The following ATG2A variants were observed in gnomAD, a reference collection of about 807,000 sequenced individuals.
ATG2A encodes the protein autophagy-related protein 2 homolog A.
A neutral mutation model predicts 214.2 loss-of-function variants in ATG2A; 103 were observed. The observed-to-expected ratio is 0.48, with a 90% CI of 0.41 to 0.57. ATG2A has a LOEUF of 0.57. ATG2A is among the 20% of genes least tolerant of loss of function. The pLI, the probability that ATG2A is intolerant of heterozygous loss-of-function variation, is 0.00. For synonymous variants in ATG2A, 1,160 were observed against 1,142.1 expected (o/e 1.02, Z -0.32); for missense variants, 2,312 against 2,613.2 (o/e 0.88, Z 2.51).
intron 1 of ATG2A, 170 bp downstream of exon 1, chr11:64,916,795 A>G (rs1945003058): frequency 7.3e-6 from 6 of 824,894 alleles, no homozygotes; most frequent in Non-Finnish European, 9.2e-6. Context: ...TGGCTCTGGT[A>G]AGGAACTGAA....
Position 64,909,692 on chromosome 11 carries a change from G to A in ATG2A, c.2096C>T (p.Ser699Phe), listed in dbSNP as rs1367650503. Residue 699 changes from serine to phenylalanine, a missense_variant, in exon 14 of 41, where the codon TCC becomes TTC. Coordinates refer to ENST00000377264, the MANE Select transcript of ATG2A (RefSeq NM_015104.3). Reference protein sequence around the residue: ...PVPTHLELTCSDLHGIYEDGG... With the variant: ...PVPTHLELTCFDLHGIYEDGG... ...TCGGGGGCTCTCACCATGTAGGTCG[G>A]AGCAGGTGAGTTCCAGGTGGGTGGG... 6.2e-6 allele frequency: 10 copies of A among 1,612,708 alleles called. No individual in the cohort carries two copies. The highest frequency in any genetic ancestry group is 8.5e-6 in the Non-Finnish European group (10 of 1,179,892).
intron 6 of ATG2A, 50 bp downstream of exon 6, chr11:64,912,988 G>T (rs760071657): frequency 2.3e-6 from 3 of 1,301,082 alleles, no homozygotes; most frequent in South Asian, 1.4e-5. Flanking sequence ...TGAGGAGGAG[G>T]AGTCTTGAGA....
intron 37 of ATG2A, 193 bp from the exon 38 acceptor site, chr11:64,897,062 C>G (rs1419436712): frequency 3.5e-6 from 3 of 848,718 alleles, no homozygotes; most frequent in Non-Finnish European, 5.3e-6. Context: ...GCTCCGTTGC[C>G]CAGGCTGGAG....
chr11:64,904,260 A>ATAAG (rs1007181445), intron 24 of ATG2A, among the ~76,000 whole-genome samples: 2 of 151,128 alleles, frequency 1.3e-5, no homozygotes, highest in African/African-American at 4.9e-5. Flanking sequence ...AGAAATAATA[A>ATAAG]TAAGGGCTGG....
rs370496305 is a variant in ATG2A, at chr11:64,895,366, G to A, written c.5504C>T (p.Ala1835Val). 30 of 1,612,918 alleles carry A rather than the reference G, an allele frequency of 1.9e-5. No individual in the cohort carries two copies. Among genetic ancestry groups the A allele is most frequent in the African/African-American group, 6.7e-5 (5 of 75,042 alleles). ...VSRSLQDKRS[A>V]RRLRRGQQPA... The stretch of plus-strand genomic sequence containing the variant: ...CTGCTGGCCCCTGCGCAGCCTCCGC[G>A]CAGAGCGCTTATCCTGCAGGGAGCG... The change falls in exon 40 of 41, where the codon GCG becomes GTG. Residue 1835 changes from alanine (A) to valine (V), a missense_variant. Coordinates refer to ENST00000377264, the MANE Select transcript of ATG2A (RefSeq NM_015104.3). This position sits in a 1 kb window ranked among gnomAD's most constrained non-coding sequence, Gnocchi z 5.0.
intron 12 of ATG2A, 31 bp from the exon 13 acceptor site, chr11:64,910,226 G>A (rs1265297711): frequency 1.3e-6 from 2 of 1,562,728 alleles, no homozygotes; most frequent in East Asian, 2.2e-5. Context: ...GTCAGTGAGG[G>A]CTGAGTGGTA....
intron 37 of ATG2A, 40 bp downstream of exon 37, chr11:64,897,372 T>C (rs1250980770): frequency 1.9e-6 from 3 of 1,548,738 alleles, no homozygotes; most frequent in Admixed American, 2.0e-5. Context: ...AGAAGGAAGA[T>C]CAGGGACCCT....
intron 37 of ATG2A, 171 bp downstream of exon 37, chr11:64,897,241 G>T: frequency 1.3e-6 from 1 of 756,054 alleles, no homozygotes. Context: ...GGCTGGTCTC[G>T]AATGCCTGAA....
Position 64,911,950 on chromosome 11 carries a change from T to A in ATG2A, c.1120A>T (p.Ser374Cys). 1.2e-6 allele frequency: 2 copies of A among 1,613,714 alleles called. No individual in the cohort carries two copies. The highest frequency in any genetic ancestry group is 1.3e-5 in the African/African-American group (1 of 75,030). The stretch of plus-strand genomic sequence containing the variant: ...AGCTCAGAGAGGGCTGAGGCCACAC[T>A]GCTTGTGAGGCCAGCCATGGAGAAG... ...LFFSMAGLTS[S>C]VASALSELSL... Residue 374 changes from serine to cysteine, a missense_variant, in exon 9 of 41, where the codon AGT becomes TGT. Coordinates refer to ENST00000377264, the MANE Select transcript of ATG2A (RefSeq NM_015104.3).
intron 16 of ATG2A, 39 bp downstream of exon 16, chr11:64,908,952 C>G (rs750999437): frequency 6.5e-7 from 1 of 1,540,982 alleles, no homozygotes; most frequent in Non-Finnish European, 8.7e-7. Flanking sequence ...GGGCGGTGGG[C>G]GGGAGGGGGT....
chr11:64,894,951 C>T lies in ATG2A; in HGVS notation c.*22G>A, dbSNP rs76422822. 6,083 of 1,609,168 alleles carry T rather than the reference C, an allele frequency of 3.8e-3. 193 individuals are homozygous for T. The African/African-American group carries it at 0.069, about 18-fold the overall frequency. ...TCAGGAGCATGGTGGGCAGCACCCTCTGGGTGCCGGGCACCCCAGGCTCAG... is the reference window on the plus strand; with the variant it reads ...TCAGGAGCATGGTGGGCAGCACCCTTTGGGTGCCGGGCACCCCAGGCTCAG... On this transcript the variant is annotated 3_prime_UTR_variant, in exon 41 of 41. Transcript: ENST00000377264.
At position 64,914,611 on chromosome 11, in the gene ATG2A, C is replaced by T. The variant is rs115349541; in HGVS notation, c.172-111G>A. The T allele has an allele frequency of 1.7e-3, 2,337 of 1,358,940 alleles. 34 individuals carry two copies. In the African/African-American group the frequency reaches 0.031, roughly 18 times the overall value. The allele number at this position is 1,358,940 out of a possible 1,614,324, so 84.2% of individuals were successfully genotyped here. ...GAGAGCACCCTTGGCTTGCCCTGTC[C>T]CTCCACGTGTTATCTACAAGGTCCC... is the stretch of plus-strand genomic sequence containing the variant. On this transcript the variant is annotated intron_variant, in intron 1 of 40. Coordinates refer to ENST00000377264, the MANE Select transcript of ATG2A (RefSeq NM_015104.3).
chr11:64,912,588 C>T (rs1204330612), intron 6 of ATG2A, 165 bp from the exon 7 acceptor site: 13 of 602,230 alleles, frequency 2.2e-5, no homozygotes, highest in Non-Finnish European at 3.4e-5. Context: ...CTCTCAGCCT[C>T]AGTTTCTTTT....
chr11:64,896,653 C>T (rs541670712), intron 38 of ATG2A, 37 bp from the exon 39 acceptor site: 52 of 1,607,680 alleles, frequency 3.2e-5, no homozygotes, highest in Non-Finnish European at 4.4e-5. Context: ...CCCGAGGCTG[C>T]CCTGCCCCCA....
rs924061290 is a variant in ATG2A, at chr11:64,895,460, A to G, written c.5428-18T>C. ...GCTGTGGCCTGGGGGACATGGGAGC[A>G]CTGGATGAGGACAGCTGGCTGGGGC... On this transcript the variant is annotated intron_variant, in intron 39 of 40. Coordinates refer to ENST00000377264, the MANE Select transcript of ATG2A (RefSeq NM_015104.3). The surrounding 1 kb of genome is among the most constrained non-coding windows in gnomAD (Gnocchi z 5.0). 1.9e-6 allele frequency: 3 copies of G among 1,542,414 alleles called. No individual in the cohort carries two copies. The South Asian group carries it at 3.7e-5, about 19-fold the overall frequency.
chr11:64,895,653 C>G lies in ATG2A; in HGVS notation c.5428-211G>C, dbSNP rs563751069. Among the ~76,000 whole-genome samples the G allele has an allele frequency of 6.6e-6, 1 of 152,292 alleles. No homozygotes were observed. Among genetic ancestry groups the G allele is most frequent in the East Asian group, 1.9e-4 (1 of 5,186 alleles). ...CCACTCTGCTGAGGGAACCTAGGAA[C>G]GTGGGACTCCTCAGGGGACTTTCCT... On this transcript the variant is annotated intron_variant, in intron 39 of 40. Coordinates refer to ENST00000377264, the MANE Select transcript of ATG2A (RefSeq NM_015104.3). The surrounding 1 kb of genome is among the most constrained non-coding windows in gnomAD (Gnocchi z 5.0).
At chr11:64,911,741 G>A (rs1944780903) in intron 9 of ATG2A, 101 bp downstream of exon 9, 5 of 1,486,764 alleles carry the variant, frequency 3.4e-6, no homozygotes, top group Admixed American at 3.9e-5. Flanking sequence ...AGATATCCAG[G>A]CATCGCTGGG....
At chr11:64,900,777 C>A (rs1024896805) in intron 30 of ATG2A, 107 bp downstream of exon 30, 37 of 1,441,974 alleles carry the variant, frequency 2.6e-5, no homozygotes, top group Middle Eastern at 5.0e-4. Flanking sequence ...AAACTGAGGC[C>A]CACCTGGGGT....
In ATG2A at chr11:64,913,231, G is replaced by A. The variant is rs374956401; in HGVS notation, c.726+35C>T. 2.6e-5 allele frequency: 42 copies of A among 1,612,098 alleles called. No individual in the cohort carries two copies. The Admixed American group carries it at 6.7e-4, about 26-fold the overall frequency. ...AGGGGCTCAATGGGCTCAAGGGAGA[G>A]GAGACAGGGGCTGTGGGAATCAGAG... is the stretch of plus-strand genomic sequence containing the variant. On this transcript the variant is annotated intron_variant, in intron 5 of 40. Transcript: ENST00000377264. This position sits in a 1 kb window ranked among gnomAD's most constrained non-coding sequence, Gnocchi z 4.3.
Sources: allele counts gnomAD v4.1 joint callset (sites outside exome capture counted in the v4.1 genomes callset), GRCh38; gene constraint gnomAD v4.1.1; non-coding constraint Gnocchi (gnomAD v3.1); transcripts MANE v1.5; gene names NCBI Gene and HGNC (gene_info 2026-07-23, HGNC 2026-07-21).